Variants in OPRM1 observed in about 807,000 individuals in gnomAD.
OPRM1 encodes opioid receptor mu 1, also known as mu-type opioid receptor.
In OPRM1, 27 loss-of-function variants were observed where a neutral mutation model predicts 31.8. That is an observed-to-expected ratio of 0.85 (90% CI 0.63 to 1.17). The LOEUF (loss-of-function observed/expected upper bound fraction) is 1.17. Ranked by LOEUF, OPRM1 falls within the 50% of genes most tolerant of loss-of-function variation. The pLI is 0.00. For synonymous variants in OPRM1, 196 were observed against 189.9 expected (o/e 1.03, Z -0.26); for missense variants, 536 against 511.1 (o/e 1.05, Z -0.47).
intron 3 of OPRM1, among the ~76,000 whole-genome samples, chr6:154,226,263 A>G (rs941519114): frequency 2.0e-5 from 3 of 152,140 alleles, no homozygotes; most frequent in Admixed American, 2.0e-4. Context: ...TCCAAAATCC[A>G]TATCTCAAAC....
At chr6:154,171,399 T>C (rs1799857676) in intron 3 of OPRM1, among the ~76,000 whole-genome samples, 1 of 152,140 alleles carries the variant, frequency 6.6e-6, no homozygotes, top group Non-Finnish European at 1.5e-5. Flanking sequence ...TCCATTTATA[T>C]GAAATGTCCA....
At chr6:154,171,735 A>G (rs1478619415) in intron 3 of OPRM1, among the ~76,000 whole-genome samples, 1 of 152,188 alleles carries the variant, frequency 6.6e-6, no homozygotes, top group African/African-American at 2.4e-5. Context: ...GTCAAGCTGG[A>G]GACACTGGAA....
intron 1 of OPRM1, among the ~76,000 whole-genome samples, chr6:154,041,623 G>A (rs1780077151): frequency 6.7e-6 from 1 of 148,934 alleles, no homozygotes; most frequent in Admixed American, 6.8e-5. Context: ...ATCTCTCCTA[G>A]CTAACATATT....
At chr6:154,102,147 G>A (rs1382232412) in intron 3 of OPRM1, among the ~76,000 whole-genome samples, 1 of 151,914 alleles carries the variant, frequency 6.6e-6, no homozygotes, top group South Asian at 2.1e-4. Flanking sequence ...GCCGTGTTGC[G>A]AGCCTGGTCT....
At chr6:154,210,151 G>A (rs1177357711) in intron 3 of OPRM1, among the ~76,000 whole-genome samples, 16 of 152,184 alleles carry the variant, frequency 1.1e-4, no homozygotes, top group Admixed American at 1.0e-3. Context: ...ACCAGGGAGA[G>A]TTCTAGAAGG....
chr6:154,075,308 A>C (rs1349367197), intron 1 of OPRM1, among the ~76,000 whole-genome samples: 1 of 152,216 alleles, frequency 6.6e-6, no homozygotes, highest in African/African-American at 2.4e-5. Flanking sequence ...AATCAGTTAC[A>C]AGTATTGAAA....
intron 1 of OPRM1, among the ~76,000 whole-genome samples, chr6:154,023,378 T>C (rs1263044151): frequency 1.3e-5 from 2 of 152,222 alleles, no homozygotes; most frequent in African/African-American, 4.8e-5. Flanking sequence ...ACAGAAGTGC[T>C]ACTGATTTTT....
At chr6:154,148,113 T>C (rs932437482) in intron 3 of OPRM1, among the ~76,000 whole-genome samples, 10 of 152,186 alleles carry the variant, frequency 6.6e-5, no homozygotes, top group Admixed American at 5.2e-4. Context: ...AAGAACCACA[T>C]GATCCCATGA....
In OPRM1 at chr6:154,126,877, C is replaced by T. The variant is rs545590547; in HGVS notation, c.*8156C>T. On this transcript the variant is annotated 3_prime_UTR_variant, in exon 4 of 4. Transcript: ENST00000330432. ...CTGTAATTCCAGCACTTTGGGAGGC[C>T]GAGGCGGGCGGAACACAAGGTCAGG... Among the ~76,000 whole-genome samples, 39 of 152,150 alleles carry T rather than the reference C, an allele frequency of 2.6e-4. No homozygotes were observed. Among genetic ancestry groups the T allele is most frequent in the African/African-American group, 8.4e-4 (35 of 41,500 alleles).
intron 3 of OPRM1, among the ~76,000 whole-genome samples, chr6:154,226,012 T>C (rs934186341): frequency 4.6e-5 from 7 of 152,248 alleles, no homozygotes; most frequent in Admixed American, 2.6e-4. Context: ...TGTGGCCTTT[T>C]TGACAACACA....
At chr6:154,213,895 G>A (rs1336469986) in intron 3 of OPRM1, among the ~76,000 whole-genome samples, 3 of 152,172 alleles carry the variant, frequency 2.0e-5, no homozygotes, top group Admixed American at 6.5e-5. Flanking sequence ...AGATCATGAC[G>A]AGATCATGTC....
At chr6:154,090,226 T>C (rs759793013) in intron 2 of OPRM1, 48 bp downstream of exon 2, 5 of 1,225,642 alleles carry the variant, frequency 4.1e-6, no homozygotes, top group Middle Eastern at 1.9e-4. Context: ...CAGCCTGATA[T>C]GTTGGTGATG....
intron 3 of OPRM1, among the ~76,000 whole-genome samples, chr6:154,137,942 A>G (rs531359920): frequency 1.3e-4 from 20 of 152,372 alleles, no homozygotes; most frequent in African/African-American, 4.8e-4. Context: ...CATGAAGAAT[A>G]TTCAGAATTC....
intron 3 of OPRM1, among the ~76,000 whole-genome samples, chr6:154,103,679 A>G (rs190461038): frequency 5.2e-4 from 79 of 152,322 alleles, no homozygotes; most frequent in South Asian, 4.4e-3. Context: ...TCTTGATGAT[A>G]TGCTCAACAA....
downstream of OPRM1, among the ~76,000 whole-genome samples, chr6:154,135,490 T>C (rs1225130203): frequency 1.3e-5 from 1 of 77,550 alleles, no homozygotes; most frequent in Non-Finnish European, 2.5e-5. Context: ...TATAGATAGA[T>C]ATAGATATAG....
In OPRM1 at chr6:154,108,919, C is replaced by A. The variant is rs1371332575; in HGVS notation, c.1165-9764C>A. ...AGAGAAAAATTTTAGTCCAAAAATCCAACTATAGAAACATAGAATGTGAGA... is the reference window on the plus strand; with the variant it reads ...AGAGAAAAATTTTAGTCCAAAAATCAAACTATAGAAACATAGAATGTGAGA... On this transcript the variant is annotated intron_variant, in intron 3 of 3. Transcript: ENST00000330432. 15 of 984,814 alleles carry A rather than the reference C, an allele frequency of 1.5e-5. No individual in the cohort carries two copies. In the South Asian group the frequency reaches 5.2e-4, roughly 34 times the overall value. The allele number at this position is 984,814 out of a possible 1,614,324, so 61.0% of individuals were successfully genotyped here.
intron 3 of OPRM1, among the ~76,000 whole-genome samples, chr6:154,146,087 A>C (rs1798350510): frequency 6.6e-6 from 1 of 152,228 alleles, no homozygotes; most frequent in Non-Finnish European, 1.5e-5. Flanking sequence ...ACATTTGGTT[A>C]ACTTAGATAT....
In OPRM1 at chr6:154,091,068, T is replaced by G; in HGVS notation, c.760T>G (p.Tyr254Asp). 1 of 1,614,220 alleles carries G rather than the reference T, an allele frequency of 6.2e-7. No homozygotes were observed. Among genetic ancestry groups the G allele is most frequent in the South Asian group, 1.1e-5 (1 of 91,086 alleles). Residue 254 changes from tyrosine (Y) to aspartate (D), a missense_variant, in exon 3 of 4, where the codon TAT becomes GAT. Physicochemically the swap from Tyr to Asp is radical, Grantham distance 160. Transcript: ENST00000330432. ...GCCAGTGCTCATCATTACCGTGTGC[T>G]ATGGACTGATGATCTTGCGCCTCAA... ...IMPVLIITVC[Y>D]GLMILRLKSV... is the part of the protein sequence containing the mutation.
chr6:154,016,185 A>C (rs1777994283), intron 1 of OPRM1, among the ~76,000 whole-genome samples: 1 of 152,226 alleles, frequency 6.6e-6, no homozygotes, highest in South Asian at 2.1e-4. Flanking sequence ...AGCAAATGTC[A>C]GAGAACAACT....
Sources: gnomAD v4.1 joint callset for allele counts (sites outside exome capture counted in the v4.1 genomes callset) on GRCh38, gnomAD v4.1.1 for gene constraint, MANE v1.5 for transcripts, NCBI Gene and HGNC (gene_info 2026-07-23, HGNC 2026-07-21) for gene names.